RYR3: variants seen among roughly 807,000 people sequenced by gnomAD.
RYR3 encodes the protein ryanodine receptor 3, also known as brain ryanodine receptor-calcium release channel.
Under a neutral mutation model 584.3 loss-of-function variants are expected in RYR3, and 207 were observed. The observed-to-expected ratio is 0.35, with a 90% CI of 0.32 to 0.40. The LOEUF is 0.40. Among genes scored for constraint, RYR3 ranks in the 10% least tolerant of loss-of-function variants. The probability of loss-of-function intolerance (pLI) is 1.00; values close to 1 mark genes in which losing one functional copy is unlikely to be tolerated. For missense variants in RYR3, 5,616 were observed against 6,089.2 expected (o/e 0.92, Z 2.59); for synonymous variants, 2,416 against 2,248.5 (o/e 1.07, Z -2.11).
intron 9 of RYR3, 133 bp from the exon 10 acceptor site, chr15:33,550,027 G>C (rs1299871679): frequency 1.8e-5 from 15 of 838,936 alleles, no homozygotes; most frequent in Middle Eastern, 3.6e-4. Flanking sequence ...CCAGCAGCCT[G>C]GTGCGTTTTC....
Position 33,503,711 on chromosome 15 carries a change from C to T in RYR3, c.252C>T (p.Ala84=). The T allele has an allele frequency of 6.2e-7, 1 of 1,612,380 alleles. No homozygotes were observed. Among genetic ancestry groups the T allele is most frequent in the Non-Finnish European group, 8.5e-7 (1 of 1,179,242 alleles). ...TCAGAGCCCTGCAGGAAATGCTTGC[C>T]AACACAGGTGAAAATGGCGGCGAAG... The part of the protein sequence containing the change: ...LSVRALQEML[A]NTGENGGEGA... Residue 84 remains alanine (A), a synonymous_variant, in exon 3 of 104, where the codon GCC becomes GCT. Transcript: ENST00000634891.
At chr15:33,753,163 T>C (rs1484365571) in intron 57 of RYR3, among the ~76,000 whole-genome samples, 1 of 152,236 alleles carries the variant, frequency 6.6e-6, no homozygotes, top group Non-Finnish European at 1.5e-5. Context: ...AAGCCTGCAA[T>C]TGCAGGTCTT....
chr15:33,822,211 CAATCTG>C (rs1428063889), intron 80 of RYR3, among the ~76,000 whole-genome samples: 1 of 152,200 alleles, frequency 6.6e-6, no homozygotes, highest in East Asian at 1.9e-4. Flanking sequence ...ATTTCTTCAA[CAATCTG>C]AATTGGAACA....
At chr15:33,373,880 G>GT (rs1157935704) in intron 1 of RYR3, among the ~76,000 whole-genome samples, 1 of 152,088 alleles carries the variant, frequency 6.6e-6, no homozygotes, top group East Asian at 1.9e-4. Flanking sequence ...AGGTAAATAA[G>GT]TTTTTTTAAA....
chr15:33,356,716 G>T (rs1974028983), intron 1 of RYR3, among the ~76,000 whole-genome samples: 1 of 152,124 alleles, frequency 6.6e-6, no homozygotes, highest in Admixed American at 6.5e-5. Flanking sequence ...ATTATAAGTA[G>T]ATACTCTCTG....
At chr15:33,564,593 C>G (rs994279673) in intron 11 of RYR3, among the ~76,000 whole-genome samples, 12 of 152,210 alleles carry the variant, frequency 7.9e-5, no homozygotes, top group Admixed American at 7.2e-4. Flanking sequence ...CATCTAGAGC[C>G]TCTACAGTTT....
rs571720085 is a variant in RYR3, at chr15:33,805,143, A to G, written c.10012-2412A>G. Among the ~76,000 whole-genome samples the G allele has an allele frequency of 2.0e-5, 3 of 152,238 alleles. No homozygotes were observed. In the East Asian group the frequency reaches 5.8e-4, roughly 29 times the overall value. ...CTGAGCAAGTGTTTTTTGTTTTGAA[A>G]CTTTTTTTGTTTCTGGAAAAATGAC... On this transcript the variant is annotated intron_variant, in intron 69 of 103. Coordinates refer to ENST00000634891, the MANE Select transcript of RYR3 (RefSeq NM_001036.6).
intron 1 of RYR3, among the ~76,000 whole-genome samples, chr15:33,444,420 A>G (rs2046456100): frequency 6.6e-6 from 1 of 152,238 alleles, no homozygotes; most frequent in Non-Finnish European, 1.5e-5. Context: ...ATAAAACCAT[A>G]GACCCTACTC....
chr15:33,657,167 C>G (rs991694748), intron 32 of RYR3, among the ~76,000 whole-genome samples: 2 of 152,138 alleles, frequency 1.3e-5, no homozygotes, highest in Non-Finnish European at 2.9e-5. Flanking sequence ...TGAGACTATA[C>G]TCTGCGTGGT....
chr15:33,455,164 T>C (rs1334086598), intron 1 of RYR3, among the ~76,000 whole-genome samples: 1 of 151,896 alleles, frequency 6.6e-6, no homozygotes, highest in Non-Finnish European at 1.5e-5. Context: ...TCTCCATGGG[T>C]GTGTGGGTGA....
At chr15:33,834,195 A>C (rs1435495723) in intron 86 of RYR3, among the ~76,000 whole-genome samples, 1 of 152,034 alleles carries the variant, frequency 6.6e-6, no homozygotes, top group Non-Finnish European at 1.5e-5. Context: ...GAGTCACAAG[A>C]ATCATTTGAA....
intron 38 of RYR3, among the ~76,000 whole-genome samples, chr15:33,685,798 C>A (rs556557780): frequency 6.6e-6 from 1 of 152,352 alleles, no homozygotes; most frequent in East Asian, 1.9e-4. Context: ...TCACTCAAAA[C>A]CGCACAACTA....
chr15:33,839,428 ACTC>A (rs1567291734), intron 89 of RYR3, among the ~76,000 whole-genome samples: 1 of 152,200 alleles, frequency 6.6e-6, no homozygotes, highest in African/African-American at 2.4e-5. Context: ...CTTGTGATAC[ACTC>A]ACTGTTCAGT....
At chr15:33,564,874 G>T (rs2152487552) in intron 11 of RYR3, among the ~76,000 whole-genome samples, 2 of 152,148 alleles carry the variant, frequency 1.3e-5, no homozygotes, top group Middle Eastern at 6.8e-3. Context: ...CCTTGACAGG[G>T]CTACACTGCT....
At chr15:33,553,550 A>C (rs1215452193) in intron 10 of RYR3, among the ~76,000 whole-genome samples, 1 of 151,492 alleles carries the variant, frequency 6.6e-6, no homozygotes, top group African/African-American at 2.4e-5. Flanking sequence ...GCTCAAATGG[A>C]ATCAGACTGA....
At chr15:33,613,405 T>C (rs1595835362) in intron 19 of RYR3, 30 bp downstream of exon 19, 1 of 1,561,790 alleles carries the variant, frequency 6.4e-7, no homozygotes, top group Non-Finnish European at 8.7e-7. Flanking sequence ...TCATGGAGAG[T>C]AGCAGTTACC....
chr15:33,589,600 A>C (rs2059026172), intron 16 of RYR3, among the ~76,000 whole-genome samples: 1 of 152,188 alleles, frequency 6.6e-6, no homozygotes, highest in Non-Finnish European at 1.5e-5. Flanking sequence ...CAGGTCTTAC[A>C]CTTAAGTCTT....
intron 16 of RYR3, among the ~76,000 whole-genome samples, chr15:33,598,468 C>G (rs539806704): frequency 6.6e-6 from 1 of 151,878 alleles, no homozygotes; most frequent in Non-Finnish European, 1.5e-5. Context: ...ACAAATTGTA[C>G]GATTTCTGAG....
At chr15:33,571,476 CTGT>C (rs1275741542) in intron 12 of RYR3, among the ~76,000 whole-genome samples, 1 of 152,028 alleles carries the variant, frequency 6.6e-6, no homozygotes. Context: ...ATTTTGGTTT[CTGT>C]TGTTAGGTGC....
Sources: gnomAD v4.1 joint callset for allele counts (sites outside exome capture counted in the v4.1 genomes callset) on GRCh38, gnomAD v4.1.1 for gene constraint, MANE v1.5 for transcripts, NCBI Gene and HGNC (gene_info 2026-07-23, HGNC 2026-07-21) for gene names.